The following FSTL5 variants were observed in gnomAD, a reference collection of about 807,000 sequenced individuals.
FSTL5 encodes follistatin-related protein 5.
In FSTL5, 62 loss-of-function variants were observed where a neutral mutation model predicts 89.1. That is an observed-to-expected ratio of 0.70 (90% CI 0.57 to 0.86). The LOEUF (loss-of-function observed/expected upper bound fraction) is 0.86, where lower values mean the gene tolerates loss of function less well. Among genes scored for constraint, FSTL5 ranks in the 40% least tolerant of loss-of-function variants. The pLI is 0.00. For missense variants in FSTL5, 1,057 were observed against 1,001.6 expected (o/e 1.06, Z -0.75); for synonymous variants, 383 against 346.2 (o/e 1.11, Z -1.18).
chr4:161,620,509 A>G (rs1735083149), intron 7 of FSTL5, among the ~76,000 whole-genome samples: 1 of 152,082 alleles, frequency 6.6e-6, no homozygotes, highest in Admixed American at 6.6e-5. Flanking sequence ...ACAAAAAATT[A>G]GCCGGGCGCG....
chr4:161,577,512 A>G (rs1733269001), intron 8 of FSTL5, among the ~76,000 whole-genome samples: 1 of 150,482 alleles, frequency 6.6e-6, no homozygotes, highest in Non-Finnish European at 1.5e-5. Context: ...TGTGGTGTAT[A>G]ATTGTCTTGG....
intron 7 of FSTL5, among the ~76,000 whole-genome samples, chr4:161,602,447 G>A (rs1230636992): frequency 6.6e-6 from 1 of 151,870 alleles, no homozygotes; most frequent in Admixed American, 6.6e-5. Context: ...GTATCCAAAA[G>A]AAATCAGTCA....
chr4:161,772,090 TAGAC>T (rs1474582944), intron 5 of FSTL5, among the ~76,000 whole-genome samples: 1 of 152,096 alleles, frequency 6.6e-6, no homozygotes, highest in Non-Finnish European at 1.5e-5. Flanking sequence ...TTTTCTCAAA[TAGAC>T]AGGCCTCTAG....
chr4:162,142,585 C>T (rs1732792506), intron 1 of FSTL5, among the ~76,000 whole-genome samples: 1 of 151,968 alleles, frequency 6.6e-6, no homozygotes, highest in African/African-American at 2.4e-5. Flanking sequence ...GACAATAGCA[C>T]CATTCTTTCA....
intron 3 of FSTL5, among the ~76,000 whole-genome samples, chr4:161,971,103 C>T (rs1436539200): frequency 2.6e-5 from 4 of 152,070 alleles, no homozygotes; most frequent in Non-Finnish European, 4.4e-5. Context: ...ATCATAATAG[C>T]CATAGTAAAT....
chr4:161,721,284 C>CA (rs34307838), intron 6 of FSTL5, among the ~76,000 whole-genome samples: 2,733 of 64,224 alleles, frequency 0.043, 142 homozygotes, highest in Middle Eastern at 0.083. Flanking sequence ...GACTCCGTCT[C>CA]AAAAAAAAAA....
rs72973175 is a variant in FSTL5, at chr4:161,428,934, G to A, written c.1841+26070C>T. Among the ~76,000 whole-genome samples, 339 of 152,054 alleles carry A rather than the reference G, an allele frequency of 2.2e-3. 1 individual carries two copies. The highest frequency in any genetic ancestry group is 7.8e-3 in the African/African-American group (324 of 41,492). ...GTACCAAGCAGGCTCTTGAGGTTTG[G>A]ATTCTAGATTTTGGCCCTTGGATGA... On this transcript the variant is annotated intron_variant, in intron 15 of 15. Transcript: ENST00000306100.
intron 3 of FSTL5, among the ~76,000 whole-genome samples, chr4:161,975,969 T>C (rs1339797690): frequency 6.7e-6 from 1 of 149,790 alleles, no homozygotes; most frequent in East Asian, 2.0e-4. Context: ...CAAAAAAAAA[T>C]TAGCCAGGCA....
At chr4:161,394,777 T>TA (rs1172737564) in intron 15 of FSTL5, among the ~76,000 whole-genome samples, 9 of 152,192 alleles carry the variant, frequency 5.9e-5, no homozygotes, top group Non-Finnish European at 1.2e-4. Flanking sequence ...TTGCTATTTT[T>TA]AAAAAAGTTT....
Position 161,682,513 on chromosome 4 carries a change from C to T in FSTL5, c.728-26019G>A, listed in dbSNP as rs78408897. Reference sequence around the variant, plus strand: ...TTCTAATTTTAAAATGTTTTATTATCATTTTTAAAATTCGGAAAACTTTTT... The same window carrying T: ...TTCTAATTTTAAAATGTTTTATTATTATTTTTAAAATTCGGAAAACTTTTT... On this transcript the variant is annotated intron_variant, in intron 6 of 15. Coordinates refer to ENST00000306100, the MANE Select transcript of FSTL5 (RefSeq NM_020116.5). 5.9e-3 allele frequency among the ~76,000 whole-genome samples: 903 copies of T among 152,140 alleles called. 11 individuals are homozygous for T. Among genetic ancestry groups the T allele is most frequent in the South Asian group, 0.047 (225 of 4,816 alleles).
chr4:161,905,376 T>C (rs918844392), intron 4 of FSTL5, among the ~76,000 whole-genome samples: 1 of 152,138 alleles, frequency 6.6e-6, no homozygotes, highest in African/African-American at 2.4e-5. Flanking sequence ...AGAGATGTCA[T>C]TACCACATTG....
At chr4:161,576,720 C>T (rs2126593454) in intron 8 of FSTL5, among the ~76,000 whole-genome samples, 1 of 152,190 alleles carries the variant, frequency 6.6e-6, no homozygotes, top group African/African-American at 2.4e-5. Flanking sequence ...CATTTTTCAA[C>T]AAACAAAAAG....
At chr4:161,500,592 C>A (rs565864360) in intron 11 of FSTL5, among the ~76,000 whole-genome samples, 2 of 151,964 alleles carry the variant, frequency 1.3e-5, no homozygotes, top group Non-Finnish European at 2.9e-5. Flanking sequence ...AAGAAAAAGA[C>A]CAAATGCCCT....
intron 6 of FSTL5, among the ~76,000 whole-genome samples, chr4:161,677,179 G>T (rs1737334953): frequency 6.6e-6 from 1 of 151,614 alleles, no homozygotes; most frequent in South Asian, 2.1e-4. Context: ...TGAAACTACA[G>T]AATTTTTTTT....
chr4:162,123,627 A>G (rs1731955251), intron 1 of FSTL5, among the ~76,000 whole-genome samples: 1 of 152,120 alleles, frequency 6.6e-6, no homozygotes, highest in South Asian at 2.1e-4. Context: ...CAAAACAGAC[A>G]AGAAGAGCTG....
intron 3 of FSTL5, among the ~76,000 whole-genome samples, chr4:161,945,862 A>G (rs1449391200): frequency 6.6e-6 from 1 of 152,170 alleles, no homozygotes; most frequent in Non-Finnish European, 1.5e-5. Flanking sequence ...GTTGATCACT[A>G]TACATTTATA....
intron 8 of FSTL5, among the ~76,000 whole-genome samples, chr4:161,581,284 C>A (rs1209044677): frequency 6.6e-6 from 1 of 152,192 alleles, no homozygotes; most frequent in Non-Finnish European, 1.5e-5. Context: ...GTCGCTGTTG[C>A]TCCTTGTGCA....
intron 6 of FSTL5, among the ~76,000 whole-genome samples, chr4:161,753,772 G>T (rs894801438): frequency 6.6e-6 from 1 of 152,074 alleles, no homozygotes; most frequent in Admixed American, 6.5e-5. Flanking sequence ...GCCAGGCGCG[G>T]TGGCTCACGC....
intron 13 of FSTL5, among the ~76,000 whole-genome samples, chr4:161,476,184 TTTTTG>T (rs1386073063): frequency 1.9e-5 from 2 of 106,086 alleles, no homozygotes; most frequent in African/African-American, 3.5e-5. Flanking sequence ...TTTTTTTTTT[TTTTTG>T]TTTGTTTGTT....
Sources: allele counts gnomAD v4.1 joint callset (sites outside exome capture counted in the v4.1 genomes callset), GRCh38; gene constraint gnomAD v4.1.1; transcripts MANE v1.5; gene names NCBI Gene and HGNC (gene_info 2026-07-23, HGNC 2026-07-21).